HAPSTR1: variants seen among roughly 807,000 people sequenced by gnomAD.
The protein encoded by HAPSTR1 is HUWE1 associated protein modifying stress responses, also known as HUWE1-associated protein modifying stress responses 1.
the HAPSTR1 span, chr16:9,121,083 A>G: frequency 0.25 from 37,286 of 151,928 alleles, 4,642 homozygotes; most frequent in East Asian, 0.29. Flanking sequence ...TCTCCTGCCT[A>G]TAACTACAGG....
chr16:9,121,443 C>T, the HAPSTR1 span: 1 of 152,180 alleles, frequency 6.6e-6, no homozygotes, highest in Non-Finnish European at 1.5e-5. Flanking sequence ...CTTCCTTTGG[C>T]AGAAGTGACC....
the HAPSTR1 span, among the ~76,000 whole-genome samples, chr16:9,098,575 G>A: frequency 3.3e-5 from 5 of 152,140 alleles, no homozygotes; most frequent in African/African-American, 1.2e-4. Context: ...CAGCACTTGA[G>A]GCTGAGGGGA....
chr16:9,115,606 A>G, the HAPSTR1 span, among the ~76,000 whole-genome samples: 4 of 152,162 alleles, frequency 2.6e-5, no homozygotes, highest in South Asian at 4.1e-4. Context: ...TGCTGGGTAT[A>G]TTCTGGATTC....
chr16:9,098,164 C>G, the HAPSTR1 span, among the ~76,000 whole-genome samples: 1 of 152,150 alleles, frequency 6.6e-6, no homozygotes, highest in Non-Finnish European at 1.5e-5. Context: ...GAAACCGTAT[C>G]TCTACTAAAA....
At chr16:9,091,781 G>A in the HAPSTR1 span, 571 of 395,142 alleles carry the variant, frequency 1.4e-3, 5 homozygotes, top group African/African-American at 0.011. Flanking sequence ...GGCGAGGGGC[G>A]GCAGCGGTTA....
At chr16:9,101,156 C>G in the HAPSTR1 span, among the ~76,000 whole-genome samples, 5 of 152,200 alleles carry the variant, frequency 3.3e-5, no homozygotes, top group Non-Finnish European at 7.3e-5. Flanking sequence ...CTTTCAGAAT[C>G]ATTTAAGTTT....
chr16:9,115,307 T>A, the HAPSTR1 span, among the ~76,000 whole-genome samples: 1 of 152,230 alleles, frequency 6.6e-6, no homozygotes, highest in Non-Finnish European at 1.5e-5. Flanking sequence ...CCCTGTCAAA[T>A]GAAACCTCTA....
the HAPSTR1 span, chr16:9,103,000 T>G: frequency 6.2e-7 from 1 of 1,614,074 alleles, no homozygotes; most frequent in Non-Finnish European, 8.5e-7. Context: ...TGGATACCCA[T>G]CAACGAAGTT....
chr16:9,116,258 TACAC>T, the HAPSTR1 span, among the ~76,000 whole-genome samples: 11 of 152,312 alleles, frequency 7.2e-5, no homozygotes, highest in African/African-American at 2.6e-4. Context: ...ATCACACACA[TACAC>T]ACTCATCAGA....
the HAPSTR1 span, among the ~76,000 whole-genome samples, chr16:9,097,128 CGG>C: frequency 2.0e-5 from 3 of 151,914 alleles, no homozygotes; most frequent in Non-Finnish European, 4.4e-5. Flanking sequence ...TTAGTAGAGA[CGG>C]GGTTTCACCA....
At chr16:9,096,728 C>T in the HAPSTR1 span, among the ~76,000 whole-genome samples, 1 of 152,120 alleles carries the variant, frequency 6.6e-6, no homozygotes, top group Non-Finnish European at 1.5e-5. Context: ...CAGTGAGAAA[C>T]CCTAAGCATT....
At chr16:9,116,577 T>G in the HAPSTR1 span, 1 of 1,496,570 alleles carries the variant, frequency 6.7e-7, no homozygotes, top group South Asian at 1.3e-5. Flanking sequence ...GCAGACATGC[T>G]TTGACATTGT....
chr16:9,093,696 T>A, the HAPSTR1 span, among the ~76,000 whole-genome samples: 1 of 152,192 alleles, frequency 6.6e-6, no homozygotes, highest in Non-Finnish European at 1.5e-5. Flanking sequence ...TGTTTTATGG[T>A]GGTTCCTTTC....
the HAPSTR1 span, chr16:9,105,541 C>A: frequency 6.6e-6 from 1 of 152,120 alleles, no homozygotes; most frequent in Non-Finnish European, 1.5e-5. Context: ...GTACTAGGGC[C>A]ATTATTAACT....
the HAPSTR1 span, chr16:9,110,571 G>T: frequency 6.6e-6 from 1 of 152,168 alleles, no homozygotes; most frequent in Admixed American, 6.5e-5. Flanking sequence ...AATCACTCCT[G>T]ATAAAATTTC....
At chr16:9,113,460 T>C in the HAPSTR1 span, among the ~76,000 whole-genome samples, 1 of 152,196 alleles carries the variant, frequency 6.6e-6, no homozygotes, top group Admixed American at 6.5e-5. Context: ...GAACATTTGC[T>C]TGAAATCCCT....
chr16:9,098,556 C>A, the HAPSTR1 span, among the ~76,000 whole-genome samples: 110 of 152,180 alleles, frequency 7.2e-4, no homozygotes, highest in African/African-American at 2.4e-3. Flanking sequence ...AGGGCTCACA[C>A]CTGTAGTCCA....
At chr16:9,120,494 G>A in the HAPSTR1 span, 4 of 100,488 alleles carry the variant, frequency 4.0e-5, no homozygotes, top group Non-Finnish European at 8.2e-5. Context: ...GGATCTGCAG[G>A]CTCCTTGTGA....
the HAPSTR1 span, among the ~76,000 whole-genome samples, chr16:9,102,044 G>A: frequency 3.9e-5 from 6 of 152,170 alleles, no homozygotes; most frequent in South Asian, 2.1e-4. Flanking sequence ...CCCTGGAGGC[G>A]GAGGTTGCAG....
Sources: allele counts gnomAD v4.1 joint callset (sites outside exome capture counted in the v4.1 genomes callset), GRCh38; gene constraint gnomAD v4.1.1; transcripts MANE v1.5; gene names NCBI Gene and HGNC (gene_info 2026-07-23, HGNC 2026-07-21).